HOMER1: variants seen among roughly 807,000 people sequenced by gnomAD.
HOMER1 encodes homer scaffold protein 1.
A neutral mutation model predicts 48.9 loss-of-function variants in HOMER1; 3 were observed. The observed-to-expected ratio is 0.06, with a 90% CI of 0.03 to 0.16. The LOEUF (loss-of-function observed/expected upper bound fraction) is 0.16. Ranked by LOEUF, HOMER1 falls within the 10% of genes least tolerant of loss-of-function variation. HOMER1 has a pLI of 1.00. For synonymous variants in HOMER1, 134 were observed against 146.4 expected, an observed-to-expected ratio of 0.92 and a Z score of 0.61; for missense variants, 247 against 411.4, an observed-to-expected ratio of 0.60 and a Z score of 3.46.
chr5:79,510,826 G>C (rs1017166669), intron 1 of HOMER1: 8 of 732,474 alleles, frequency 1.1e-5, no homozygotes, highest in Middle Eastern at 3.8e-4. Flanking sequence ...CAAGGCCCAG[G>C]CTGCAGCTCC....
rs1466521762 is a variant in HOMER1 at position 79,467,445 on chromosome 5, C to T, written c.6-10427G>A. 4.4e-4 allele frequency among the ~76,000 whole-genome samples: 65 copies of T among 148,002 alleles called. 1 individual carries two copies. Among genetic ancestry groups the T allele is most frequent in the Non-Finnish European group, 1.0e-4 (7 of 67,240 alleles). The stretch of plus-strand genomic sequence containing the variant: ...AAATGCTATAAAGGCCATTTAAGTG[C>T]TAATATCACCTTCAACGAACAATCA... On this transcript the variant is annotated intron_variant, in intron 1 of 8. Coordinates refer to ENST00000334082, the MANE Select transcript of HOMER1 (RefSeq NM_004272.5).
At chr5:79,437,274 G>A (rs913007546) in intron 5 of HOMER1, among the ~76,000 whole-genome samples, 1 of 152,130 alleles carries the variant, frequency 6.6e-6, no homozygotes, top group African/African-American at 2.4e-5. Flanking sequence ...GTTAGCCAAA[G>A]AAATCAAGTA....
intron 5 of HOMER1, among the ~76,000 whole-genome samples, chr5:79,403,810 T>C (rs1475250402): frequency 6.6e-6 from 1 of 152,188 alleles, no homozygotes; most frequent in Non-Finnish European, 1.5e-5. Flanking sequence ...TTTCTATAAG[T>C]CTAAAATTAG....
chr5:79,511,552 T>C (rs376961922), intron 1 of HOMER1, among the ~76,000 whole-genome samples: 8 of 152,334 alleles, frequency 5.3e-5, no homozygotes, highest in African/African-American at 1.4e-4. Flanking sequence ...ATAGCAGCGC[T>C]AGAAATAGAA....
At chr5:79,381,719 C>T (rs1748982873) in intron 8 of HOMER1, among the ~76,000 whole-genome samples, 1 of 151,862 alleles carries the variant, frequency 6.6e-6, no homozygotes, top group African/African-American at 2.4e-5. Context: ...ACCTGTCTCT[C>T]CTAAAAATAC....
chr5:79,474,206 A>ATTTTTTTTTTTTTT (rs1009644672), intron 1 of HOMER1, among the ~76,000 whole-genome samples: 1 of 98,724 alleles, frequency 1.0e-5, no homozygotes, highest in East Asian at 3.6e-4. Context: ...CCCAACCAAA[A>ATTTTTTTTTTTTTT]TTTTTTTTTT....
At chr5:79,493,384 A>AC (rs1343366581) in intron 1 of HOMER1, among the ~76,000 whole-genome samples, 1 of 152,110 alleles carries the variant, frequency 6.6e-6, no homozygotes, top group East Asian at 1.9e-4. Flanking sequence ...GCTCTGACCA[A>AC]CCTTTATATC....
intron 5 of HOMER1, among the ~76,000 whole-genome samples, chr5:79,433,762 G>T (rs977823322): frequency 6.6e-6 from 1 of 152,068 alleles, no homozygotes; most frequent in Non-Finnish European, 1.5e-5. Flanking sequence ...CATAGTTTTA[G>T]AGTGTTTCTA....
intron 8 of HOMER1, among the ~76,000 whole-genome samples, chr5:79,381,752 G>A (rs1285813109): frequency 3.9e-5 from 6 of 152,066 alleles, no homozygotes; most frequent in African/African-American, 1.2e-4. Flanking sequence ...GGCCATGGTG[G>A]TATGCACCTG....
intron 5 of HOMER1, among the ~76,000 whole-genome samples, chr5:79,437,343 T>C (rs933543078): frequency 6.6e-6 from 1 of 152,170 alleles, no homozygotes; most frequent in Non-Finnish European, 1.5e-5. Flanking sequence ...TTAAATATAG[T>C]TTAATAGGAA....
chr5:79,386,076 T>TA (rs978614620), intron 8 of HOMER1, among the ~76,000 whole-genome samples: 1 of 151,322 alleles, frequency 6.6e-6, no homozygotes, highest in Non-Finnish European at 1.5e-5. Flanking sequence ...AAACTAAAAA[T>TA]AAAAAACTAA....
At chr5:79,493,601 A>G (rs1050401711) in intron 1 of HOMER1, among the ~76,000 whole-genome samples, 4 of 152,208 alleles carry the variant, frequency 2.6e-5, no homozygotes, top group Admixed American at 6.5e-5. Flanking sequence ...TCTTTAACCT[A>G]CAAACTATTC....
Position 79,375,298 on chromosome 5 carries a change from CAA to C in HOMER1, c.*709_*710del. Reference sequence around the variant, plus strand: ...TTAAAATGTGTAATAAAATGGGAGACAATATCTTCTCATAAATACATGGAATC... The same window carrying C: ...TTAAAATGTGTAATAAAATGGGAGACTATCTTCTCATAAATACATGGAATC... On this transcript the variant is annotated 3_prime_UTR_variant, in exon 9 of 9. Transcript: ENST00000334082. 6.6e-6 allele frequency: 1 copy of C among 151,940 alleles called. No homozygotes were observed. The allele number at this position is 151,940 out of a possible 1,614,324, so 9.4% of individuals were successfully genotyped here.
At chr5:79,479,950 G>T (rs551921294) in intron 1 of HOMER1, among the ~76,000 whole-genome samples, 2 of 152,290 alleles carry the variant, frequency 1.3e-5, no homozygotes, top group Non-Finnish European at 2.9e-5. Context: ...ATCTTCGACT[G>T]CACTGTAATT....
chr5:79,467,411 A>AAAAAC, intron 1 of HOMER1, among the ~76,000 whole-genome samples: 1 of 151,344 alleles, frequency 6.6e-6, no homozygotes, highest in African/African-American at 2.4e-5. Flanking sequence ...AAAAAAAAAA[A>AAAAAC]AACTAATGAA....
intron 5 of HOMER1, among the ~76,000 whole-genome samples, chr5:79,420,039 CAT>C (rs1169274816): frequency 1.3e-5 from 2 of 152,116 alleles, no homozygotes; most frequent in Non-Finnish European, 2.9e-5. Context: ...TTTATTTAGA[CAT>C]GTGATGCTAG....
chr5:79,507,517 G>A (rs1254551378), intron 1 of HOMER1, among the ~76,000 whole-genome samples: 1 of 151,850 alleles, frequency 6.6e-6, no homozygotes, highest in African/African-American at 2.4e-5. Flanking sequence ...TTCATTCCAC[G>A]AGATACGACC....
Position 79,438,990 on chromosome 5 carries a change from T to C in HOMER1, c.527+20A>G. The C allele has an allele frequency of 1.2e-6, 2 of 1,607,160 alleles. No homozygotes were observed. Among genetic ancestry groups the C allele is most frequent in the Non-Finnish European group, 1.7e-6 (2 of 1,174,222 alleles). On this transcript the variant is annotated intron_variant, in intron 5 of 8. Transcript: ENST00000334082. ...TATTTACACATTTACTTAATCATAA[T>C]TGCTGAATTGAATCTGTACCTATGT... is the stretch of plus-strand genomic sequence containing the variant.
chr5:79,510,321 A>G (rs12656100), intron 1 of HOMER1: 11,682 of 431,966 alleles, frequency 0.027, 547 homozygotes, highest in East Asian at 0.22. Flanking sequence ...GTCTAAATGC[A>G]TGTTATGTGT....
Sources: allele counts gnomAD v4.1 joint callset (sites outside exome capture counted in the v4.1 genomes callset), GRCh38; gene constraint gnomAD v4.1.1; transcripts MANE v1.5; gene names NCBI Gene and HGNC (gene_info 2026-07-23, HGNC 2026-07-21).